The following ZNF407 variants were observed in gnomAD, a reference collection of about 807,000 sequenced individuals.
The protein encoded by ZNF407 is zinc finger protein 407.
A neutral mutation model predicts 131.2 loss-of-function variants in ZNF407; 17 were observed. That is an observed-to-expected ratio of 0.13 (90% CI 0.09 to 0.19). ZNF407 has a LOEUF of 0.19. Among genes scored for constraint, ZNF407 ranks in the 10% least tolerant of loss-of-function variants. The pLI is 1.00. For synonymous variants in ZNF407, 1,156 were observed against 1,062.0 expected, an observed-to-expected ratio of 1.09 and a Z score of -1.72; for missense variants, 2,681 against 2,830.6, an observed-to-expected ratio of 0.95 and a Z score of 1.20.
chr18:74,692,819 C>T (rs1967259669), intron 3 of ZNF407, among the ~76,000 whole-genome samples: 1 of 152,118 alleles, frequency 6.6e-6, no homozygotes, highest in South Asian at 2.1e-4. Context: ...CTCCACCCCT[C>T]CCCCAGAGCA....
At chr18:74,931,935 C>T (rs982112801) in intron 8 of ZNF407, among the ~76,000 whole-genome samples, 8 of 152,024 alleles carry the variant, frequency 5.3e-5, no homozygotes, top group African/African-American at 1.9e-4. Context: ...TGACCTGAGA[C>T]CTCTGAAATA....
chr18:74,631,036 A>G lies in ZNF407; in HGVS notation c.17A>G (p.Asn6Ser). The change falls in exon 2 of 9, where the codon AAT becomes AGT. Residue 6 changes from asparagine (N) to serine (S), a missense_variant. By Grantham distance (46) the Asn-to-Ser change is conservative (BLOSUM62 1). Coordinates refer to ENST00000299687, the MANE Select transcript of ZNF407 (RefSeq NM_017757.3). ...ACTTTATTAATGATGGATAGTGAGA[A>G]TAAACCCGAAAATGATGAGGATGAA... MMDSE[N>S]KPENDEDEKI... The G allele has an allele frequency of 1.2e-6, 2 of 1,610,282 alleles. No homozygotes were observed. Among genetic ancestry groups the G allele is most frequent in the Non-Finnish European group, 1.7e-6 (2 of 1,178,730 alleles).
intron 1 of ZNF407, among the ~76,000 whole-genome samples, chr18:74,623,168 A>G (rs997318762): frequency 2.4e-5 from 3 of 126,854 alleles, no homozygotes; most frequent in Non-Finnish European, 3.5e-5. Context: ...GTGTGTGTGT[A>G]CGTGTGAATG....
In ZNF407 at chr18:74,631,825, T is replaced by A; in HGVS notation, c.806T>A (p.Leu269His). The change falls in exon 2 of 9, where the codon CTC becomes CAC. Residue 269 changes from leucine to histidine, a missense_variant. This residue lies in a region of ZNF407 where 1,789 missense variants were observed against 1,748.7 expected (regional missense o/e 1.02). Coordinates refer to ENST00000299687, the MANE Select transcript of ZNF407 (RefSeq NM_017757.3). ...GCACATTATCTTGGCAAAACACATC[T>A]CCGTCGTCAGAATCTGGCTGCTCGT... is the stretch of plus-strand genomic sequence containing the variant. The part of the protein sequence containing the change: ...LNAHYLGKTH[L>H]RRQNLAARGG... 1.2e-6 allele frequency: 2 copies of A among 1,614,032 alleles called. No homozygotes were observed. Among genetic ancestry groups the A allele is most frequent in the Non-Finnish European group, 1.7e-6 (2 of 1,179,904 alleles).
rs768685673 is a variant in ZNF407, at chr18:74,635,489, G to A, written c.4470G>A (p.Lys1490=). Residue 1490 remains lysine (K), a synonymous_variant, in exon 2 of 9, where the codon AAG becomes AAA. Transcript: ENST00000299687. This position sits in a 1 kb window ranked among gnomAD's most constrained non-coding sequence, Gnocchi z 4.7. ...GAGGGGCCACCTTTAAATGTGTCAA[G>A]TGCACAGAGCCCTTTGATTCTGAAC... ...PEGGATFKCV[K]CTEPFDSEQN... 8 of 1,612,632 alleles carry A rather than the reference G, an allele frequency of 5.0e-6. No individual in the cohort carries two copies. The East Asian group carries it at 1.8e-4, about 36-fold the overall frequency.
chr18:74,746,201 G>A (rs1452447386), intron 3 of ZNF407, among the ~76,000 whole-genome samples: 2 of 152,096 alleles, frequency 1.3e-5, no homozygotes. Flanking sequence ...ATAAAAAGGG[G>A]TGCAGTTGTA....
At chr18:74,827,319 G>A (rs1213346436) in intron 4 of ZNF407, among the ~76,000 whole-genome samples, 1 of 152,158 alleles carries the variant, frequency 6.6e-6, no homozygotes, top group African/African-American at 2.4e-5. Flanking sequence ...TTTCTAGCCT[G>A]AATTAGTGCT....
rs192108489 is a variant in ZNF407, at chr18:74,948,845, A to G, written c.5428+28153A>G. ...TGGCCTTAAAATAAGATTTCAAATT[A>G]GAGTTAATGTATTCCAAAAATAAAA... On this transcript the variant is annotated intron_variant, in intron 8 of 8. Coordinates refer to ENST00000299687, the MANE Select transcript of ZNF407 (RefSeq NM_017757.3). Among the ~76,000 whole-genome samples the G allele has an allele frequency of 3.3e-5, 5 of 152,374 alleles. 1 individual carries two copies. The highest frequency in any genetic ancestry group is 3.3e-4 in the Admixed American group (5 of 15,308).
rs115320335 is a variant in ZNF407, at chr18:75,061,810, A to G, written c.5429-1340A>G. On this transcript the variant is annotated intron_variant, in intron 8 of 8. Coordinates refer to ENST00000299687, the MANE Select transcript of ZNF407 (RefSeq NM_017757.3). ...TCCCCTCCTCACTCTCGTCCTGCTCACCCCCTCTTTTCTCTCCTGGTCTCC... is the reference window on the plus strand; with the variant it reads ...TCCCCTCCTCACTCTCGTCCTGCTCGCCCCCTCTTTTCTCTCCTGGTCTCC... 670 of 152,340 alleles carry G rather than the reference A, an allele frequency of 4.4e-3. 9 individuals are homozygous for G. Among genetic ancestry groups the G allele is most frequent in the African/African-American group, 0.015 (639 of 41,380 alleles). The allele number at this position is 152,340 out of a possible 1,614,324, so 9.4% of individuals were successfully genotyped here.
At chr18:74,730,255 C>T (rs1481811517) in intron 3 of ZNF407, among the ~76,000 whole-genome samples, 1 of 152,198 alleles carries the variant, frequency 6.6e-6, no homozygotes, top group African/African-American at 2.4e-5. Context: ...TTCTCAGGTA[C>T]ACTTTTTAAT....
chr18:75,012,301 T>TAGCAGGCTCTGGGGGTATCTACA (rs1568300448), intron 8 of ZNF407, among the ~76,000 whole-genome samples: 1 of 112,494 alleles, frequency 8.9e-6, no homozygotes, highest in African/African-American at 3.2e-5. Context: ...ACATAGTGTA[T>TAGCAGGCTCTGGGGGTATCTACA]GTACACATAG....
At chr18:74,775,934 G>A (rs1421882049) in intron 3 of ZNF407, among the ~76,000 whole-genome samples, 2 of 152,178 alleles carry the variant, frequency 1.3e-5, no homozygotes, top group Non-Finnish European at 2.9e-5. Flanking sequence ...CTACAGTACC[G>A]AGGCTGACGC....
At chr18:74,872,738 G>C (rs1270346639) in intron 4 of ZNF407, among the ~76,000 whole-genome samples, 1 of 140,374 alleles carries the variant, frequency 7.1e-6, no homozygotes, top group Non-Finnish European at 1.5e-5. Context: ...CCTGGTGGCA[G>C]AGCGAGACTC....
chr18:74,672,428 G>C (rs373309153), intron 3 of ZNF407, among the ~76,000 whole-genome samples: 1 of 38,456 alleles, frequency 2.6e-5, no homozygotes, highest in Admixed American at 3.7e-4. Flanking sequence ...CTGTTTGTCC[G>C]TTGGAGCACT....
intron 3 of ZNF407, among the ~76,000 whole-genome samples, chr18:74,711,950 C>A (rs1338675692): frequency 6.6e-6 from 1 of 152,132 alleles, no homozygotes; most frequent in Non-Finnish European, 1.5e-5. Flanking sequence ...ACTCAAGTGA[C>A]CCACCCGCCT....
intron 3 of ZNF407, among the ~76,000 whole-genome samples, chr18:74,677,571 C>T (rs1222938488): frequency 6.6e-6 from 1 of 151,682 alleles, no homozygotes; most frequent in African/African-American, 2.4e-5. Context: ...GATATGTTTG[C>T]TGGATACAGA....
chr18:74,815,835 T>A (rs113192965), intron 4 of ZNF407, among the ~76,000 whole-genome samples: 4,429 of 152,314 alleles, frequency 0.029, 108 homozygotes, highest in Non-Finnish European at 0.042. Flanking sequence ...TTCTACTTAA[T>A]TGTATTGATA....
chr18:74,785,473 C>T (rs961212035), intron 4 of ZNF407, among the ~76,000 whole-genome samples: 6 of 152,148 alleles, frequency 3.9e-5, no homozygotes, highest in Non-Finnish European at 5.9e-5. Flanking sequence ...TTTACCCCAC[C>T]TAATGTAATT....
At chr18:74,885,326 A>G (rs961022842) in intron 6 of ZNF407, among the ~76,000 whole-genome samples, 1 of 152,200 alleles carries the variant, frequency 6.6e-6, no homozygotes, top group Non-Finnish European at 1.5e-5. Flanking sequence ...TATGGTGGAA[A>G]CGTCAGAACA....
Sources: gnomAD v4.1 joint callset for allele counts (sites outside exome capture counted in the v4.1 genomes callset) on GRCh38, gnomAD v4.1.1 for gene constraint, gnomAD v4.1.1 regional missense constraint, Gnocchi (gnomAD v3.1) non-coding constraint, MANE v1.5 for transcripts, NCBI Gene and HGNC (gene_info 2026-07-23, HGNC 2026-07-21) for gene names.